Variants in ESRRG observed in about 807,000 individuals in gnomAD.
ESRRG encodes the protein estrogen related receptor gamma, also known as estrogen-related receptor gamma.
Under a neutral mutation model 44.0 loss-of-function variants are expected in ESRRG, and 13 were observed. That is an observed-to-expected ratio of 0.30 (90% CI 0.19 to 0.47). The LOEUF (loss-of-function observed/expected upper bound fraction) is 0.47. Ranked by LOEUF, ESRRG falls within the 20% of genes least tolerant of loss-of-function variation. The pLI is 1.00. For synonymous variants in ESRRG, 215 were observed against 214.6 expected (o/e 1.00, Z -0.02); for missense variants, 395 against 580.6 (o/e 0.68, Z 3.29).
chr1:216,852,121 G>T (rs1351581699), intron 2 of ESRRG, among the ~76,000 whole-genome samples: 1 of 152,164 alleles, frequency 6.6e-6, no homozygotes, highest in East Asian at 1.9e-4. Context: ...GGGTTGTTTA[G>T]GCTTGGTTTA....
At chr1:216,792,537 A>G (rs1313322663) in intron 2 of ESRRG, among the ~76,000 whole-genome samples, 4 of 152,200 alleles carry the variant, frequency 2.6e-5, no homozygotes, top group African/African-American at 9.6e-5. Context: ...CATTGTTTAC[A>G]TATTAAAAGT....
At chr1:216,507,272 T>A in intron 6 of ESRRG, 89 bp from the exon 7 acceptor site, 1 of 910,606 alleles carries the variant, frequency 1.1e-6, no homozygotes, top group Non-Finnish European at 1.6e-6. Flanking sequence ...ATTAATTTAA[T>A]TATTTTTGAA....
At chr1:216,654,207 A>G (rs2069808736) in intron 2 of ESRRG, among the ~76,000 whole-genome samples, 1 of 152,100 alleles carries the variant, frequency 6.6e-6, no homozygotes, top group Non-Finnish European at 1.5e-5. Context: ...TTCTTATCTC[A>G]GGGTCATTAT....
At chr1:216,676,307 A>C (rs905508495) in intron 2 of ESRRG, among the ~76,000 whole-genome samples, 1 of 152,178 alleles carries the variant, frequency 6.6e-6, no homozygotes, top group Non-Finnish European at 1.5e-5. Flanking sequence ...GTTATTTATA[A>C]ATCTGAAATC....
chr1:216,837,684 T>A (rs920014216), intron 2 of ESRRG, among the ~76,000 whole-genome samples: 1 of 152,108 alleles, frequency 6.6e-6, no homozygotes, highest in African/African-American at 2.4e-5. Context: ...AAAAGCAGGC[T>A]GATGGGGTCC....
intron 1 of ESRRG, among the ~76,000 whole-genome samples, chr1:216,678,369 T>C (rs2076467174): frequency 6.6e-6 from 1 of 152,234 alleles, no homozygotes; most frequent in Admixed American, 6.5e-5. Context: ...TGATATTATA[T>C]GTATATTATC....
intron 1 of ESRRG, among the ~76,000 whole-genome samples, chr1:216,998,543 A>G (rs2076647782): frequency 6.6e-6 from 1 of 152,184 alleles, no homozygotes; most frequent in Non-Finnish European, 1.5e-5. Context: ...AAATCCACTT[A>G]TAATATTGTT....
chr1:216,654,458 C>T (rs766609373), intron 2 of ESRRG, among the ~76,000 whole-genome samples: 1 of 151,828 alleles, frequency 6.6e-6, no homozygotes, highest in Non-Finnish European at 1.5e-5. Flanking sequence ...GGTGAAACCC[C>T]ATCTCTACTA....
At chr1:216,940,861 T>A (rs1007723738) in intron 1 of ESRRG, among the ~76,000 whole-genome samples, 2 of 152,170 alleles carry the variant, frequency 1.3e-5, no homozygotes, top group African/African-American at 2.4e-5. Flanking sequence ...TGGAATCATA[T>A]CTTGGTAATT....
At chr1:216,609,714 T>C (rs775137941) in intron 3 of ESRRG, among the ~76,000 whole-genome samples, 1 of 152,192 alleles carries the variant, frequency 6.6e-6, no homozygotes, top group Non-Finnish European at 1.5e-5. Context: ...CTTAAGATAA[T>C]CTGCCATGAA....
chr1:216,533,640 G>T (rs2050059263), intron 5 of ESRRG, among the ~76,000 whole-genome samples: 1 of 152,086 alleles, frequency 6.6e-6, no homozygotes, highest in Admixed American at 6.6e-5. Flanking sequence ...TATCAGTTTT[G>T]AAGTTGAAAT....
In ESRRG at chr1:216,856,352, AACACACACAC is replaced by A. The variant is rs5780935; in HGVS notation, c.-14+83220_-14+83229del. On this transcript the variant is annotated intron_variant, in intron 2 of 7. Coordinates refer to the ESRRG transcript ENST00000359162. ...TATGTCTGTCTCTGCTTCTCTCTTC[AACACACACAC>A]ACACACACACACACACACACACACA... Among the ~76,000 whole-genome samples the A allele has an allele frequency of 7.0e-5, 10 of 141,978 alleles. 1 individual carries two copies. The South Asian group carries it at 7.2e-4, about 10-fold the overall frequency. The allele number at this position is 141,978 out of a possible 152,430, so 93.1% of individuals were successfully genotyped here.
rs902126716 is a variant in ESRRG at position 216,776,498 on chromosome 1, A to T, written c.-13-99007T>A. 1.2e-4 allele frequency among the ~76,000 whole-genome samples: 18 copies of T among 152,030 alleles called. 1 individual carries two copies. In the South Asian group the frequency reaches 2.5e-3, roughly 21 times the overall value. ...GGTCTGCATTCCTTCACTGGACTTC[A>T]TACTCTCTGAGGGTTGGAACTATGT... On this transcript the variant is annotated intron_variant, in intron 2 of 7. Coordinates refer to the ESRRG transcript ENST00000359162.
chr1:216,743,672 A>G (rs887419226), intron 2 of ESRRG, among the ~76,000 whole-genome samples: 4 of 152,248 alleles, frequency 2.6e-5, no homozygotes, highest in Admixed American at 2.6e-4. Flanking sequence ...CATCATCACC[A>G]TTCATGGATA....
chr1:216,525,668 T>TA (rs942391917), intron 5 of ESRRG, among the ~76,000 whole-genome samples: 1 of 152,122 alleles, frequency 6.6e-6, no homozygotes, highest in Non-Finnish European at 1.5e-5. Flanking sequence ...TATAGGACTC[T>TA]AAAAAATATA....
chr1:216,588,343 G>A (rs952185158), intron 3 of ESRRG, among the ~76,000 whole-genome samples: 1 of 152,056 alleles, frequency 6.6e-6, no homozygotes, highest in African/African-American at 2.4e-5. Context: ...AAGATCTGAG[G>A]GTTAGGAGCT....
intron 1 of ESRRG, among the ~76,000 whole-genome samples, chr1:217,062,721 G>A (rs1488310325): frequency 6.6e-6 from 1 of 152,178 alleles, no homozygotes; most frequent in Non-Finnish European, 1.5e-5. Context: ...GACAGAGCCA[G>A]TTTAGATCAG....
At chr1:217,045,026 A>G (rs1054737221) in intron 1 of ESRRG, among the ~76,000 whole-genome samples, 3 of 152,218 alleles carry the variant, frequency 2.0e-5, no homozygotes, top group African/African-American at 7.2e-5. Context: ...ATCATTCTTT[A>G]TAAAAAATAG....
intron 1 of ESRRG, 115 bp downstream of exon 1, chr1:216,723,129 G>C: frequency 1.2e-6 from 1 of 830,468 alleles, no homozygotes; most frequent in Non-Finnish European, 2.0e-6. Flanking sequence ...ACAAGCAGTC[G>C]TGCACACAAA....
Sources: allele counts gnomAD v4.1 joint callset (sites outside exome capture counted in the v4.1 genomes callset), GRCh38; gene constraint gnomAD v4.1.1; transcripts MANE v1.5; gene names NCBI Gene and HGNC (gene_info 2026-07-23, HGNC 2026-07-21).